PCDHA5: variants seen among roughly 807,000 people sequenced by gnomAD.
The protein encoded by PCDHA5 is protocadherin alpha-5.
Under a neutral mutation model 61.6 loss-of-function variants are expected in PCDHA5, and 43 were observed. That is an observed-to-expected ratio of 0.70 (90% CI 0.55 to 0.90). The LOEUF (loss-of-function observed/expected upper bound fraction) is 0.90, where lower values mean the gene tolerates loss of function less well. PCDHA5 is among the 40% of genes least tolerant of loss of function. The probability of loss-of-function intolerance (pLI) is 0.00; values close to 1 mark genes in which losing one functional copy is unlikely to be tolerated. For missense variants in PCDHA5, 1,298 were observed against 1,222.7 expected (o/e 1.06, Z -0.92); for synonymous variants, 627 against 543.9 (o/e 1.15, Z -2.13).
chr5:140,871,156 G>C (rs200268029), intron 1 of PCDHA5: 2 of 1,613,446 alleles, frequency 1.2e-6, no homozygotes, highest in Non-Finnish European at 8.5e-7. Context: ...TTTGGCGGGC[G>C]CCGCGAGCCC....
intron 1 of PCDHA5, chr5:140,967,360 G>A: frequency 1.2e-6 from 2 of 1,607,656 alleles, no homozygotes; most frequent in South Asian, 1.1e-5. Context: ...TGGACCTTAA[G>A]CCCCTGCAGG....
At chr5:140,983,168 C>G (rs2097030716) in intron 3 of PCDHA5, among the ~76,000 whole-genome samples, 1 of 152,146 alleles carries the variant, frequency 6.6e-6, no homozygotes. Context: ...CCAAACATGA[C>G]CGCCTCACAA....
chr5:140,851,342 C>G, intron 1 of PCDHA5: 1 of 978,740 alleles, frequency 1.0e-6, no homozygotes, highest in Non-Finnish European at 1.2e-6. Context: ...CTCTACATTT[C>G]TCTGGATGGA....
At chr5:140,926,840 C>T (rs1427760232) in intron 1 of PCDHA5, 4 of 1,514,378 alleles carry the variant, frequency 2.6e-6, no homozygotes, top group South Asian at 2.7e-5. Flanking sequence ...GAGCATGGTC[C>T]TGGGTCACCG....
At chr5:140,849,528 G>T in intron 1 of PCDHA5, 4 of 1,597,792 alleles carry the variant, frequency 2.5e-6, no homozygotes, top group Non-Finnish European at 3.4e-6. Flanking sequence ...GGATGTAAAT[G>T]ACAATGCTCC....
At chr5:140,943,144 G>C (rs894787678) in intron 1 of PCDHA5, among the ~76,000 whole-genome samples, 1 of 151,178 alleles carries the variant, frequency 6.6e-6, no homozygotes, top group Non-Finnish European at 1.5e-5. Context: ...TGTAGTCCCA[G>C]CTACTCTGGA....
chr5:140,843,680 G>T, intron 1 of PCDHA5: 1 of 1,588,882 alleles, frequency 6.3e-7, no homozygotes, highest in East Asian at 2.2e-5. Flanking sequence ...TGATGTAGGC[G>T]AAGAGCAAGA....
At position 140,887,996 on chromosome 5, in the gene PCDHA5, AAT is replaced by A. The variant is rs1258672316; in HGVS notation, c.2352+63871_2352+63872del. 4.6e-5 allele frequency among the ~76,000 whole-genome samples: 7 copies of A among 152,330 alleles called. No individual in the cohort carries two copies. In the East Asian group the frequency reaches 7.7e-4, roughly 17 times the overall value. ...AAATTTATTTTACATGTCTCCACCGAATAGTCATCTTTTTATCTATATGTTTG... is the reference window on the plus strand; with the variant it reads ...AAATTTATTTTACATGTCTCCACCGAAGTCATCTTTTTATCTATATGTTTG... On this transcript the variant is annotated intron_variant, in intron 1 of 3. Coordinates refer to ENST00000529859, the MANE Select transcript of PCDHA5 (RefSeq NM_018908.3).
chr5:140,870,200 C>G lies in PCDHA5; in HGVS notation c.2352+46073C>G, dbSNP rs377755323. Reference sequence around the variant, plus strand: ...GTACGAGAGGACGCTCAGCCCAGCACGGTCATTGCCCTGATCAGCGTGTCT... The same window carrying G: ...GTACGAGAGGACGCTCAGCCCAGCAGGGTCATTGCCCTGATCAGCGTGTCT... On this transcript the variant is annotated intron_variant, in intron 1 of 3. Transcript: ENST00000529859. 7 of 1,614,056 alleles carry G rather than the reference C, an allele frequency of 4.3e-6. No homozygotes were observed. The African/African-American group carries it at 9.3e-5, about 22-fold the overall frequency.
intron 1 of PCDHA5, chr5:140,929,266 C>T (rs1333907609): frequency 6.2e-7 from 1 of 1,611,352 alleles, no homozygotes; most frequent in Middle Eastern, 1.7e-4. Flanking sequence ...ACTGAATTTG[C>T]CAATATCCTG....
rs373601874 is a variant in PCDHA5, at chr5:140,873,473, C to T, written c.2352+49346C>T. ...TTTGCATTTTAGATAATTCAAATTACTTGGACTGATTTCTGCAAAGTTGTG... is the reference window on the plus strand; with the variant it reads ...TTTGCATTTTAGATAATTCAAATTATTTGGACTGATTTCTGCAAAGTTGTG... On this transcript the variant is annotated intron_variant, in intron 1 of 3. Transcript: ENST00000529859. Among the ~76,000 whole-genome samples the T allele has an allele frequency of 1.5e-4, 23 of 152,180 alleles. No homozygotes were observed. The East Asian group carries it at 2.3e-3, about 15-fold the overall frequency.
chr5:140,885,638 A>C (rs1490773479), intron 1 of PCDHA5, among the ~76,000 whole-genome samples: 10 of 152,184 alleles, frequency 6.6e-5, no homozygotes, highest in Admixed American at 5.2e-4. Flanking sequence ...ATTGCCTTCC[A>C]AGTATTTTGG....
chr5:140,896,242 C>T (rs1228427310), intron 1 of PCDHA5, among the ~76,000 whole-genome samples: 2 of 152,154 alleles, frequency 1.3e-5, no homozygotes, highest in Non-Finnish European at 2.9e-5. Flanking sequence ...GACTTATATT[C>T]CTTTGGTTAT....
At chr5:140,983,771 A>G (rs963720761) in intron 3 of PCDHA5, among the ~76,000 whole-genome samples, 2 of 152,222 alleles carry the variant, frequency 1.3e-5, no homozygotes, top group Admixed American at 6.5e-5. Flanking sequence ...ATACATATCT[A>G]CATACATAAC....
chr5:140,929,870 A>T (rs1056539262), intron 1 of PCDHA5: 1 of 153,262 alleles, frequency 6.5e-6, no homozygotes, highest in Admixed American at 6.5e-5. Flanking sequence ...AGGCTTTGTG[A>T]TAGAGATCAC....
rs2150377192 is a variant in PCDHA5, at chr5:140,845,186, A to C, written c.2352+21059A>C. On this transcript the variant is annotated intron_variant, in intron 1 of 3. Transcript: ENST00000529859. ...TTGTTTTCATTTTAGTCCTTTAAAAAATATGATTGTTTTCATTTAAGTCCT... is the reference window on the plus strand; with the variant it reads ...TTGTTTTCATTTTAGTCCTTTAAAACATATGATTGTTTTCATTTAAGTCCT... 3.3e-5 allele frequency among the ~76,000 whole-genome samples: 5 copies of C among 149,420 alleles called. 1 individual carries two copies. The highest frequency in any genetic ancestry group is 7.5e-5 in the Non-Finnish European group (5 of 66,806).
intron 3 of PCDHA5, among the ~76,000 whole-genome samples, chr5:140,986,982 G>A (rs782173410): frequency 3.9e-5 from 6 of 152,164 alleles, no homozygotes; most frequent in Non-Finnish European, 8.8e-5. Context: ...GGGAGGCCAA[G>A]GCAGGCAGAT....
chr5:140,822,744 T>C lies in PCDHA5; in HGVS notation c.969T>C (p.Asp323=), dbSNP rs1767420186. ...ATGAAATTAATATTGATGCCATGGA[T>C]AAAAGTACATTCCCATTATCAGGAC... ...NSYEINIDAM[D]KSTFPLSGHC... is the part of the protein sequence containing the mutation. Residue 323 remains aspartate (D), a synonymous_variant, in exon 1 of 4, where the codon GAT becomes GAC. Transcript: ENST00000529859. 3.7e-6 allele frequency: 6 copies of C among 1,613,748 alleles called. No homozygotes were observed. Among genetic ancestry groups the C allele is most frequent in the Non-Finnish European group, 4.2e-6 (5 of 1,179,652 alleles).
At chr5:140,854,798 A>G (rs2043232983) in intron 1 of PCDHA5, 1 of 149,748 alleles carries the variant, frequency 6.7e-6, no homozygotes, top group African/African-American at 2.4e-5. Flanking sequence ...GAGAGAGAAA[A>G]AAATATTTTT....
Sources: allele counts gnomAD v4.1 joint callset (sites outside exome capture counted in the v4.1 genomes callset), GRCh38; gene constraint gnomAD v4.1.1; transcripts MANE v1.5; gene names NCBI Gene and HGNC (gene_info 2026-07-23, HGNC 2026-07-21).